The following CTNND2 variants were observed in gnomAD, a reference collection of about 807,000 sequenced individuals.
CTNND2 encodes the protein catenin delta 2.
A neutral mutation model predicts 144.4 loss-of-function variants in CTNND2; 22 were observed. The observed-to-expected ratio is 0.15, with a 90% CI of 0.11 to 0.22. CTNND2 has a LOEUF of 0.22. Among genes scored for constraint, CTNND2 ranks in the 10% least tolerant of loss-of-function variants. CTNND2 has a pLI of 1.00. For missense variants in CTNND2, 1,353 were observed against 1,618.8 expected, an observed-to-expected ratio of 0.84 and a Z score of 2.82; for synonymous variants, 751 against 695.6, an observed-to-expected ratio of 1.08 and a Z score of -1.25.
intron 3 of CTNND2, among the ~76,000 whole-genome samples, chr5:11,422,470 C>G (rs569371163): frequency 6.6e-6 from 1 of 152,140 alleles, no homozygotes; most frequent in East Asian, 1.9e-4. Flanking sequence ...TATTCTTAAG[C>G]TAATTTTGTT....
chr5:11,317,854 C>T (rs1306259741), intron 9 of CTNND2, among the ~76,000 whole-genome samples: 1 of 152,082 alleles, frequency 6.6e-6, no homozygotes, highest in Non-Finnish European at 1.5e-5. Flanking sequence ...TGTGAAGATG[C>T]CCAGAGCTTC....
chr5:11,521,752 T>C (rs868511885), intron 3 of CTNND2, among the ~76,000 whole-genome samples: 3 of 152,210 alleles, frequency 2.0e-5, no homozygotes, highest in Non-Finnish European at 4.4e-5. Context: ...TGAGGCTAGA[T>C]GAAGTATCAG....
intron 9 of CTNND2, among the ~76,000 whole-genome samples, chr5:11,253,560 T>G (rs1244150082): frequency 6.6e-6 from 1 of 152,186 alleles, no homozygotes; most frequent in East Asian, 1.9e-4. Flanking sequence ...CCACCATGAT[T>G]GTGAGGCCTC....
At chr5:11,504,306 A>G (rs1230824790) in intron 3 of CTNND2, among the ~76,000 whole-genome samples, 1 of 152,252 alleles carries the variant, frequency 6.6e-6, no homozygotes, top group African/African-American at 2.4e-5. Context: ...ACGATGACTC[A>G]GCGTAATGTT....
At position 11,079,499 on chromosome 5, in the gene CTNND2, C is replaced by A. The variant is rs545647165; in HGVS notation, c.2788+3197G>T. On this transcript the variant is annotated intron_variant, in intron 16 of 21. Coordinates refer to ENST00000304623, the MANE Select transcript of CTNND2 (RefSeq NM_001332.4). ...ATTCATCTTTCTCCAGGAGATCAAT[C>A]AGCCTTGGCCTTGGCATCTTCCCAC... Among the ~76,000 whole-genome samples, 5 of 152,316 alleles carry A rather than the reference C, an allele frequency of 3.3e-5. No homozygotes were observed. The East Asian group carries it at 9.7e-4, about 29-fold the overall frequency.
At chr5:11,772,893 AT>A (rs1289841091) in intron 1 of CTNND2, among the ~76,000 whole-genome samples, 2 of 152,204 alleles carry the variant, frequency 1.3e-5, no homozygotes, top group African/African-American at 4.8e-5. Flanking sequence ...CACAACTCAA[AT>A]TTGTTATGGT....
chr5:11,336,737 TAGAC>T (rs1411261407), intron 9 of CTNND2, among the ~76,000 whole-genome samples: 3 of 152,218 alleles, frequency 2.0e-5, no homozygotes, highest in African/African-American at 7.2e-5. Context: ...GTATGCCACA[TAGAC>T]AAATTATGTG....
At chr5:11,499,154 T>C (rs1770287085) in intron 3 of CTNND2, among the ~76,000 whole-genome samples, 2 of 152,152 alleles carry the variant, frequency 1.3e-5, no homozygotes, top group Non-Finnish European at 2.9e-5. Flanking sequence ...TAAACACCTT[T>C]GAAAATCTAG....
chr5:11,317,082 T>C (rs1300762345), intron 9 of CTNND2, among the ~76,000 whole-genome samples: 2 of 152,190 alleles, frequency 1.3e-5, no homozygotes, highest in Non-Finnish European at 2.9e-5. Context: ...TCATCATCAC[T>C]GGCCATCAGA....
At chr5:11,287,997 A>C (rs1747925985) in intron 9 of CTNND2, among the ~76,000 whole-genome samples, 1 of 152,152 alleles carries the variant, frequency 6.6e-6, no homozygotes, top group Non-Finnish European at 1.5e-5. Flanking sequence ...TATAATTTAC[A>C]ATGTGTTTTT....
chr5:11,739,906 G>C (rs1449761551), intron 1 of CTNND2, among the ~76,000 whole-genome samples: 1 of 152,012 alleles, frequency 6.6e-6, no homozygotes, highest in Non-Finnish European at 1.5e-5. Flanking sequence ...ATAGAAGACA[G>C]AGAGCCAGAT....
intron 10 of CTNND2, among the ~76,000 whole-genome samples, chr5:11,220,017 C>G (rs559399871): frequency 6.6e-6 from 1 of 152,258 alleles, no homozygotes; most frequent in Non-Finnish European, 1.5e-5. Context: ...TGTAAGACAA[C>G]TGAAGGGAAG....
chr5:11,325,538 T>G (rs1476496377), intron 9 of CTNND2, among the ~76,000 whole-genome samples: 1 of 152,158 alleles, frequency 6.6e-6, no homozygotes, highest in African/African-American at 2.4e-5. Flanking sequence ...AATTTATGTA[T>G]CCATGAATGA....
intron 3 of CTNND2, among the ~76,000 whole-genome samples, chr5:11,559,372 C>G (rs1346066137): frequency 6.6e-6 from 1 of 152,174 alleles, no homozygotes; most frequent in Admixed American, 6.5e-5. Flanking sequence ...TTAACTAAGG[C>G]TGAGACAATA....
chr5:11,469,280 T>C (rs955416214), intron 3 of CTNND2, among the ~76,000 whole-genome samples: 1 of 152,170 alleles, frequency 6.6e-6, no homozygotes, highest in African/African-American at 2.4e-5. Flanking sequence ...AGATATGTAT[T>C]AATATTTTTG....
chr5:11,445,056 C>A (rs529941709), intron 3 of CTNND2, among the ~76,000 whole-genome samples: 1 of 152,232 alleles, frequency 6.6e-6, no homozygotes, highest in Non-Finnish European at 1.5e-5. Context: ...TTCATAACAG[C>A]AGAAATATAA....
chr5:11,691,187 T>C (rs1289809256), intron 2 of CTNND2, among the ~76,000 whole-genome samples: 1 of 151,836 alleles, frequency 6.6e-6, no homozygotes, highest in Non-Finnish European at 1.5e-5. Context: ...CTGGCTAACA[T>C]GGGGCAACTC....
At chr5:11,894,162 T>C (rs1382391714) in intron 1 of CTNND2, among the ~76,000 whole-genome samples, 1 of 152,088 alleles carries the variant, frequency 6.6e-6, no homozygotes, top group Admixed American at 6.5e-5. Context: ...CTAAAACTGT[T>C]CTGATAAAGC....
chr5:11,843,248 A>G (rs571129467), intron 1 of CTNND2, among the ~76,000 whole-genome samples: 2 of 152,308 alleles, frequency 1.3e-5, no homozygotes, highest in South Asian at 2.1e-4. Context: ...GTAGTTCCCA[A>G]TGCACTCTCC....
Sources: gnomAD v4.1 joint callset for allele counts (sites outside exome capture counted in the v4.1 genomes callset) on GRCh38, gnomAD v4.1.1 for gene constraint, MANE v1.5 for transcripts, NCBI Gene and HGNC (gene_info 2026-07-23, HGNC 2026-07-21) for gene names.